Variants in SPEG observed in about 807,000 individuals in gnomAD.
The protein encoded by SPEG is striated muscle preferentially expressed protein kinase.
SPEG carries 114 observed loss-of-function variants against 300.4 expected under a neutral mutation model. The observed-to-expected ratio is 0.38, with a 90% CI of 0.33 to 0.44. The LOEUF (loss-of-function observed/expected upper bound fraction) is 0.44. Among genes scored for constraint, SPEG ranks in the 20% least tolerant of loss-of-function variants. The pLI is 1.00. For synonymous variants in SPEG, 1,964 were observed against 2,018.9 expected (o/e 0.97, Z 0.73); for missense variants, 4,201 against 4,586.2 (o/e 0.92, Z 2.43).
chr2:219,467,535 C>T, intron 10 of SPEG, 101 bp downstream of exon 10: 1 of 1,405,288 alleles, frequency 7.1e-7, no homozygotes, highest in Non-Finnish European at 9.6e-7. Flanking sequence ...GAGCTCCAAC[C>T]CCGAGGGGAA....
rs775440024 is a variant in SPEG, at chr2:219,449,105, G to A, written c.1947G>A (p.Glu649=). ...RFLPWATPGL[E]GAAVPQTLEK... is the part of the protein sequence containing the mutation. ...TGCCCTGGGCCACGCCGGGCCTGGA[G>A]GGCGCTGCTGTACCCCAGACCTTGG... Residue 649 remains glutamate, a synonymous_variant, in exon 4 of 41, where the codon GAG becomes GAA. Coordinates refer to ENST00000312358, the MANE Select transcript of SPEG (RefSeq NM_005876.5). 6.7e-7 allele frequency: 1 copy of A among 1,485,674 alleles called. No individual in the cohort carries two copies. The highest frequency in any genetic ancestry group is 1.3e-5 in the South Asian group (1 of 75,108). 92.0% of individuals were successfully genotyped at this position (1,485,674 alleles called of 1,614,324 possible). A position where few individuals can be genotyped will look rare whatever the true frequency, so the allele number is the denominator to read the frequency against.
At position 219,435,054 on chromosome 2, in the gene SPEG, G is replaced by A. The variant is rs766304123; in HGVS notation, c.77G>A (p.Arg26Lys). Reference protein sequence around the residue: ...APPSPGVPPKRAKVGAGGGAP... With the variant: ...APPSPGVPPKKAKVGAGGGAP... ...CCCAGCCCCGGAGTGCCCCCGAAAA[G>A]GGCCAAGGTGGGGGCCGGCGGCGGG... is the stretch of plus-strand genomic sequence containing the variant. Residue 26 changes from arginine (R) to lysine (K), a missense_variant, in exon 1 of 41, where the codon AGG becomes AAG. Coordinates refer to ENST00000312358, the MANE Select transcript of SPEG (RefSeq NM_005876.5). 1.7e-5 allele frequency: 25 copies of A among 1,482,852 alleles called. No homozygotes were observed. The highest frequency in any genetic ancestry group is 1.4e-5 in the Non-Finnish European group (16 of 1,125,884). The allele number at this position is 1,482,852 out of a possible 1,614,324, so 91.9% of individuals were successfully genotyped here. A position where few individuals can be genotyped will look rare whatever the true frequency, so the allele number is the denominator to read the frequency against.
chr2:219,460,239 C>T (rs1690543577), intron 6 of SPEG: 1 of 914,270 alleles, frequency 1.1e-6, no homozygotes, highest in South Asian at 5.0e-5. Flanking sequence ...GATTCTGGGC[C>T]CCCTCAGATT....
chr2:219,484,363 C>G lies in SPEG; in HGVS notation c.6900C>G (p.Pro2300=), dbSNP rs1177642344. 3 of 1,607,050 alleles carry G rather than the reference C, an allele frequency of 1.9e-6. No homozygotes were observed. The African/African-American group carries it at 4.0e-5, about 22-fold the overall frequency. Residue 2300 remains proline, a synonymous_variant, in exon 30 of 41, where the codon CCC becomes CCG. Coordinates refer to ENST00000312358, the MANE Select transcript of SPEG (RefSeq NM_005876.5). Reference sequence around the variant, plus strand: ...AGCGCGTGCCCTCAGCCGGGGGTCCCCCGGTGCTAGCCGAGAAAGCCCGAG... The same window carrying G: ...AGCGCGTGCCCTCAGCCGGGGGTCCGCCGGTGCTAGCCGAGAAAGCCCGAG... ...PEKRVPSAGG[P]PVLAEKARVP...
rs756975550 is a variant in SPEG, at chr2:219,484,547, C to G, written c.7084C>G (p.Pro2362Ala). 1 of 1,592,866 alleles carries G rather than the reference C, an allele frequency of 6.3e-7. No individual in the cohort carries two copies. Among genetic ancestry groups the G allele is most frequent in the Non-Finnish European group, 8.5e-7 (1 of 1,173,306 alleles). The change falls in exon 30 of 41, where the codon CCC becomes GCC. Residue 2362 changes from proline to alanine, a missense_variant. Around this residue, in one of 4 missense-constraint regions of SPEG, gnomAD observed 1,578 missense variants for 1,506.0 expected, o/e 1.05. Coordinates refer to ENST00000312358, the MANE Select transcript of SPEG (RefSeq NM_005876.5). Reference protein sequence around the residue: ...LSRSRSEERGPFRGAEEEDGI... With the variant: ...LSRSRSEERGAFRGAEEEDGI... ...CCGTTCGCGCTCGGAGGAGCGCGGC[C>G]CCTTCCGTGGGGCCGAGGAGGAGGA...
rs371302780 is a variant in SPEG, at chr2:219,484,157, C to A, written c.6694C>A (p.Pro2232Thr). 174 of 1,613,718 alleles carry A rather than the reference C, an allele frequency of 1.1e-4. 1 individual carries two copies. The African/African-American group carries it at 2.1e-3, about 19-fold the overall frequency. ...PVRASKPAPP[P>T]QALQTLALPL... Reference sequence around the variant, plus strand: ...CCGAGCCTCCAAGCCTGCACCACCCCCCCAGGCCCTGCAAACCCTAGCGCT... The same window carrying A: ...CCGAGCCTCCAAGCCTGCACCACCCACCCAGGCCCTGCAAACCCTAGCGCT... The change falls in exon 30 of 41, where the codon CCC becomes ACC. Residue 2232 changes from proline (P) to threonine (T), a missense_variant. Physicochemically the swap from Pro to Thr is conservative, Grantham distance 38 (BLOSUM62 -1). This residue lies in a region of SPEG where 1,578 missense variants were observed against 1,506.0 expected (regional missense o/e 1.05). Coordinates refer to ENST00000312358, the MANE Select transcript of SPEG (RefSeq NM_005876.5).
intron 9 of SPEG, chr2:219,466,085 T>G: frequency 1.9e-6 from 3 of 1,593,028 alleles, no homozygotes; most frequent in Non-Finnish European, 2.6e-6. Context: ...CCACCTGTGC[T>G]CCCCCCGCTA....
At chr2:219,488,477 C>T in intron 32 of SPEG, 21 bp from the exon 33 acceptor site, 2 of 1,550,396 alleles carry the variant, frequency 1.3e-6, no homozygotes, top group Non-Finnish European at 1.7e-6. Flanking sequence ...AGCAGCAACT[C>T]CTGCTCCTCC....
Position 219,468,684 on chromosome 2 carries a change from C to T in SPEG, c.3249C>T (p.Phe1083=), listed in dbSNP as rs776934091. The T allele has an allele frequency of 2.5e-5, 40 of 1,614,018 alleles. No homozygotes were observed. The highest frequency in any genetic ancestry group is 2.9e-5 in the Non-Finnish European group (34 of 1,180,010). ...TGTTGGAGGGCCGAGCTGCCCGTTT[C>T]GACTGCAAGATCAGTGGCACCCCGC... The part of the protein sequence containing the change: ...VEVLEGRAAR[F]DCKISGTPPP... The change falls in exon 11 of 41, where the codon TTC becomes TTT. Residue 1083 remains phenylalanine (F), a synonymous_variant. Transcript: ENST00000312358.
chr2:219,483,495 G>A lies in SPEG; in HGVS notation c.6032G>A (p.Arg2011His). ...GCTAGCCCCAGGCGGGGAGAGCTCC[G>A]CAGGGGCAGCTCGGCTGAGAGCGCC... ...AGASPRRGELRRGSSAESALP... is the reference protein window; with the variant it reads ...AGASPRRGELHRGSSAESALP... Residue 2011 changes from arginine (R) to histidine (H), a missense_variant, in exon 30 of 41, where the codon CGC becomes CAC. Arg to His is a conservative substitution (Grantham distance 29). Transcript: ENST00000312358. The A allele has an allele frequency of 1.4e-6, 2 of 1,433,266 alleles. No individual in the cohort carries two copies. Among genetic ancestry groups the A allele is most frequent in the Non-Finnish European group, 1.8e-6 (2 of 1,104,326 alleles). The allele number at this position is 1,433,266 out of a possible 1,614,324, so 88.8% of individuals were successfully genotyped here.
rs1408207381 is a variant in SPEG, at chr2:219,484,256, C to T, written c.6793C>T (p.Pro2265Ser). Residue 2265 changes from proline to serine, a missense_variant, in exon 30 of 41, where the codon CCT becomes TCT. Transcript: ENST00000312358. The stretch of plus-strand genomic sequence containing the variant: ...CCACGCCCAGGGCCCCTCGCAGGGC[C>T]CTGCCGCGCCGCCTTCAGAGCCCAA... Reference protein sequence around the residue: ...SGHAQGPSQGPAAPPSEPKPH... With the variant: ...SGHAQGPSQGSAAPPSEPKPH... 5 of 1,610,198 alleles carry T rather than the reference C, an allele frequency of 3.1e-6. No individual in the cohort carries two copies. The African/African-American group carries it at 4.0e-5, about 13-fold the overall frequency.
Position 219,483,293 on chromosome 2 carries a change from T to A in SPEG, c.5830T>A (p.Ser1944Thr). The part of the protein sequence containing the change: ...SVPRPLQPEF[S>T]GSRVSLTDIP... ...GCCCCGCCCACTGCAGCCCGAGTTC[T>A]CTGGCTCCCGGGTGTCCCTCACAGA... Residue 1944 changes from serine to threonine, a missense_variant, in exon 30 of 41, where the codon TCT (serine) becomes ACT (threonine). By Grantham distance (58) the Ser-to-Thr change is moderately conservative. Coordinates refer to ENST00000312358, the MANE Select transcript of SPEG (RefSeq NM_005876.5). 6.2e-7 allele frequency: 1 copy of A among 1,606,974 alleles called. No individual in the cohort carries two copies. The highest frequency in any genetic ancestry group is 8.5e-7 in the Non-Finnish European group (1 of 1,176,778).
rs757246477 is a variant in SPEG at position 219,448,145 on chromosome 2, G to A, written c.987G>A (p.Ala329=). The A allele has an allele frequency of 1.2e-6, 2 of 1,608,028 alleles. No homozygotes were observed. Among genetic ancestry groups the A allele is most frequent in the East Asian group, 4.5e-5 (2 of 44,612 alleles). Reference sequence around the variant, plus strand: ...CGCCGGGACCCCCGGCCCAGCCCGCGGCCACCCCCACGTCGCCCCACCGTC... The same window carrying A: ...CGCCGGGACCCCCGGCCCAGCCCGCAGCCACCCCCACGTCGCCCCACCGTC... ...RSPPGPPAQP[A]ATPTSPHRRT... is the part of the protein sequence containing the mutation. The change falls in exon 4 of 41, where the codon GCG becomes GCA. Residue 329 remains alanine (A), a synonymous_variant. Transcript: ENST00000312358.
rs376123227 is a variant in SPEG, at chr2:219,448,293, G to C, written c.1135G>C (p.Glu379Gln). 1.9e-6 allele frequency: 3 copies of C among 1,609,764 alleles called. No individual in the cohort carries two copies. The highest frequency in any genetic ancestry group is 2.2e-5 in the East Asian group (1 of 44,798). Residue 379 changes from glutamate (E) to glutamine (Q), a missense_variant, in exon 4 of 41, where the codon GAG becomes CAG. Physicochemically the swap from Glu to Gln is conservative, Grantham distance 29. Transcript: ENST00000312358. ...AESRPQTPLS[E>Q]ASGRLSALGR... ...ATCCCGACCCCAGACGCCACTGAGC[G>C]AGGCCTCAGGCCGCCTGTCGGCGTT...
rs1690496677 is a variant in SPEG at position 219,459,824 on chromosome 2, G to A, written c.2441-2058G>A. Among the ~76,000 whole-genome samples, 1 of 152,154 alleles carries A rather than the reference G, an allele frequency of 6.6e-6. No individual in the cohort carries two copies. Among genetic ancestry groups the A allele is most frequent in the South Asian group, 2.1e-4 (1 of 4,814 alleles). On this transcript the variant is annotated intron_variant, in intron 6 of 40. Transcript: ENST00000312358. The surrounding 1 kb of genome is among the most constrained non-coding windows in gnomAD (Gnocchi z 4.9). Reference sequence around the variant, plus strand: ...ACTTCCCTCCCCAACCCTACCTCAAGACAGCCAGCCTGAACCGTGGGCCCC... The same window carrying A: ...ACTTCCCTCCCCAACCCTACCTCAAAACAGCCAGCCTGAACCGTGGGCCCC...
chr2:219,464,655 T>A lies in SPEG; in HGVS notation c.2881+47T>A. Reference sequence around the variant, plus strand: ...GAATGCCCACCTGGCCCTGGCCCCTTCCTTCCCCCACTGTCTGCTCTCACA... The same window carrying A: ...GAATGCCCACCTGGCCCTGGCCCCTACCTTCCCCCACTGTCTGCTCTCACA... On this transcript the variant is annotated intron_variant, in intron 9 of 40. Transcript: ENST00000312358. This position sits in a 1 kb window ranked among gnomAD's most constrained non-coding sequence, Gnocchi z 4.5. The A allele has an allele frequency of 6.3e-7, 1 of 1,581,354 alleles. No homozygotes were observed. Among genetic ancestry groups the A allele is most frequent in the Non-Finnish European group, 8.7e-7 (1 of 1,153,434 alleles).
intron 4 of SPEG, 155 bp from the exon 5 acceptor site, chr2:219,450,981 C>A: frequency 1.4e-6 from 1 of 724,264 alleles, no homozygotes; most frequent in African/African-American, 1.8e-5. Flanking sequence ...TAAGGACATT[C>A]AGGAGGCAGA....
chr2:219,462,477 T>G, intron 8 of SPEG, 91 bp downstream of exon 8: 1 of 1,049,770 alleles, frequency 9.5e-7, no homozygotes, highest in Non-Finnish European at 1.4e-6. Context: ...AAATGGAATC[T>G]TGGTGGGCTT....
rs765255020 is a variant in SPEG at position 219,482,841 on chromosome 2, C to G, written c.5623C>G (p.Arg1875Gly). 6.2e-7 allele frequency: 1 copy of G among 1,613,666 alleles called. No individual in the cohort carries two copies. Among genetic ancestry groups the G allele is most frequent in the Admixed American group, 1.7e-5 (1 of 59,992 alleles). ...TCACCTGAAGCTATTCCTCTCCCGG[C>G]GGAGGTGGCAGGTAAGTGTGGCAGG... ...TDHLKLFLSR[R>G]RWQRSQISYK... Residue 1875 changes from arginine (R) to glycine (G), a missense_variant, in exon 29 of 41, where the codon CGG (arginine) becomes GGG (glycine). This residue lies in a region of SPEG where 1,578 missense variants were observed against 1,506.0 expected (regional missense o/e 1.05). Transcript: ENST00000312358.
Sources: allele counts gnomAD v4.1 joint callset (sites outside exome capture counted in the v4.1 genomes callset), GRCh38; gene constraint gnomAD v4.1.1; regional missense constraint gnomAD v4.1.1; non-coding constraint Gnocchi (gnomAD v3.1); transcripts MANE v1.5; gene names NCBI Gene and HGNC (gene_info 2026-07-23, HGNC 2026-07-21).